The following PPARGC1A variants were observed in gnomAD, a reference collection of about 807,000 sequenced individuals.
PPARGC1A encodes PPARG coactivator 1 alpha, also known as peroxisome proliferator-activated receptor gamma coactivator 1-alpha.
PPARGC1A carries 25 observed loss-of-function variants against 88.7 expected under a neutral mutation model. That is an observed-to-expected ratio of 0.28 (90% confidence interval 0.21 to 0.39). The LOEUF (loss-of-function observed/expected upper bound fraction) is 0.39, where lower values mean the gene tolerates loss of function less well. Ranked by LOEUF, PPARGC1A falls within the 10% of genes least tolerant of loss-of-function variation. The pLI is 1.00. For missense variants in PPARGC1A, 880 were observed against 968.7 expected, an observed-to-expected ratio of 0.91 and a Z score of 1.22; for synonymous variants, 363 against 355.6, an observed-to-expected ratio of 1.02 and a Z score of -0.24.
the PPARGC1A span, among the ~76,000 whole-genome samples, chr4:24,316,362 G>A: frequency 6.6e-6 from 1 of 152,140 alleles, no homozygotes; most frequent in Non-Finnish European, 1.5e-5. Context: ...CAGACTTTCT[G>A]ACTCCATTAG....
chr4:24,462,124 C>T, the PPARGC1A span, among the ~76,000 whole-genome samples: 8 of 152,202 alleles, frequency 5.3e-5, no homozygotes, highest in Non-Finnish European at 8.8e-5. Context: ...CTCGCTCCAA[C>T]GCACAGGCTG....
chr4:23,931,319 G>A, the PPARGC1A span, among the ~76,000 whole-genome samples: 149 of 152,104 alleles, frequency 9.8e-4, 1 homozygote, highest in East Asian at 6.4e-3. Context: ...AGGACACAAA[G>A]GCAAGGGCAG....
At chr4:24,275,437 T>C in the PPARGC1A span, among the ~76,000 whole-genome samples, 6 of 152,218 alleles carry the variant, frequency 3.9e-5, no homozygotes, top group Non-Finnish European at 8.8e-5. Context: ...CCTATTTATT[T>C]ATTCAAGCAA....
the PPARGC1A span, among the ~76,000 whole-genome samples, chr4:24,146,348 C>T: frequency 6.2e-4 from 95 of 152,338 alleles, no homozygotes; most frequent in African/African-American, 2.0e-3. Context: ...GCTAGCAGCA[C>T]TGGCATGCAC....
intron 2 of PPARGC1A, among the ~76,000 whole-genome samples, chr4:23,872,727 C>G (rs913296738): frequency 6.6e-6 from 1 of 152,062 alleles, no homozygotes; most frequent in African/African-American, 2.4e-5. Flanking sequence ...ACCACTGTAT[C>G]CCCCTAAAAT....
intron 2 of PPARGC1A, among the ~76,000 whole-genome samples, chr4:23,860,647 G>T (rs566726150): frequency 6.6e-6 from 1 of 152,112 alleles, no homozygotes; most frequent in Non-Finnish European, 1.5e-5. Flanking sequence ...TAAACTCAAT[G>T]GCAGAGAGAT....
chr4:23,975,958 A>G, the PPARGC1A span, among the ~76,000 whole-genome samples: 5 of 152,246 alleles, frequency 3.3e-5, no homozygotes, highest in Non-Finnish European at 7.3e-5. Context: ...CAAGAATCAA[A>G]TAAATTAACC....
chr4:24,464,368 C>T, the PPARGC1A span, among the ~76,000 whole-genome samples: 12 of 152,082 alleles, frequency 7.9e-5, no homozygotes, highest in South Asian at 2.1e-4. Flanking sequence ...CATTATAATT[C>T]CTCATTCAAA....
the PPARGC1A span, among the ~76,000 whole-genome samples, chr4:24,352,745 C>G: frequency 2.0e-5 from 3 of 152,206 alleles, no homozygotes; most frequent in African/African-American, 4.8e-5. Flanking sequence ...TCCTGTGGAG[C>G]ACAGAACTAT....
At chr4:24,185,830 G>A in the PPARGC1A span, among the ~76,000 whole-genome samples, 1 of 123,732 alleles carries the variant, frequency 8.1e-6, no homozygotes, top group South Asian at 2.5e-4. Context: ...ATATTCCCCA[G>A]CGCACCAGCA....
the PPARGC1A span, among the ~76,000 whole-genome samples, chr4:23,967,091 T>G: frequency 6.6e-6 from 1 of 152,144 alleles, no homozygotes; most frequent in South Asian, 2.1e-4. Flanking sequence ...TAAAGGAAAT[T>G]CTAATGAATC....
At chr4:24,348,554 T>G in the PPARGC1A span, among the ~76,000 whole-genome samples, 3 of 152,208 alleles carry the variant, frequency 2.0e-5, no homozygotes, top group African/African-American at 7.2e-5. Flanking sequence ...AAATACCTTG[T>G]CTTGGAGCTC....
the PPARGC1A span, among the ~76,000 whole-genome samples, chr4:24,220,352 G>A: frequency 5.0e-3 from 758 of 152,316 alleles, 30 homozygotes; most frequent in East Asian, 0.098. Flanking sequence ...TTGCCATTCG[G>A]CCCAGCAATC....
chr4:23,824,032 T>G (rs1279279944), intron 7 of PPARGC1A, among the ~76,000 whole-genome samples: 1 of 152,120 alleles, frequency 6.6e-6, no homozygotes, highest in Non-Finnish European at 1.5e-5. Flanking sequence ...GGGCACCATT[T>G]GCAACCAACT....
At chr4:24,114,142 AAAAG>A in the PPARGC1A span, among the ~76,000 whole-genome samples, 6 of 151,510 alleles carry the variant, frequency 4.0e-5, no homozygotes, top group African/African-American at 1.5e-4. Context: ...AAAAAAAAAA[AAAAG>A]AGGGATGGAA....
the PPARGC1A span, among the ~76,000 whole-genome samples, chr4:24,261,739 C>T: frequency 6.6e-6 from 1 of 152,040 alleles, no homozygotes; most frequent in Non-Finnish European, 1.5e-5. Context: ...TTCCTTTCTC[C>T]TATTTGCCTA....
the PPARGC1A span, among the ~76,000 whole-genome samples, chr4:24,015,058 G>A: frequency 1.3e-5 from 2 of 152,130 alleles, no homozygotes; most frequent in African/African-American, 4.8e-5. Context: ...AAGGAAAAAT[G>A]GGTGGAGAAG....
chr4:24,175,922 C>T, the PPARGC1A span, among the ~76,000 whole-genome samples: 14 of 152,176 alleles, frequency 9.2e-5, no homozygotes, highest in East Asian at 5.8e-4. Flanking sequence ...CAGGCCCTTT[C>T]GAAGCTTAGC....
the PPARGC1A span, among the ~76,000 whole-genome samples, chr4:24,184,335 G>A: frequency 2.0e-5 from 3 of 152,210 alleles, no homozygotes; most frequent in Non-Finnish European, 4.4e-5. Flanking sequence ...AGAAGATCCA[G>A]TGGTGAGCAT....
Sources: allele counts gnomAD v4.1 joint callset (sites outside exome capture counted in the v4.1 genomes callset), GRCh38; gene constraint gnomAD v4.1.1; transcripts MANE v1.5; gene names NCBI Gene and HGNC (gene_info 2026-07-23, HGNC 2026-07-21).